Variants in CACNA1C observed in about 807,000 individuals in gnomAD.
The protein encoded by CACNA1C is calcium voltage-gated channel subunit alpha1 C.
In CACNA1C, 30 loss-of-function variants were observed where a neutral mutation model predicts 229.0. That is an observed-to-expected ratio of 0.13 (90% CI 0.10 to 0.18). The LOEUF is 0.18. CACNA1C is among the 10% of genes least tolerant of loss of function. CACNA1C has a pLI of 1.00. For missense variants in CACNA1C, 1,658 were observed against 2,845.0 expected (o/e 0.58, Z 9.49); for synonymous variants, 1,114 against 1,132.5 (o/e 0.98, Z 0.33).
chr12:2,377,136 G>A lies in CACNA1C; in HGVS notation c.478-71840G>A, dbSNP rs114911244. Reference sequence around the variant, plus strand: ...GGAGGAGAAGGAAGGGCTGGGACACGGCCAACAAAAGGAGAAATTAAATGG... The same window carrying A: ...GGAGGAGAAGGAAGGGCTGGGACACAGCCAACAAAAGGAGAAATTAAATGG... On this transcript the variant is annotated intron_variant, in intron 3 of 46. Transcript: ENST00000399655. Among the ~76,000 whole-genome samples the A allele has an allele frequency of 8.1e-3, 1,226 of 152,208 alleles. 26 individuals are homozygous for A. The highest frequency in any genetic ancestry group is 0.028 in the African/African-American group (1,155 of 41,520).
At chr12:2,308,940 C>CA (rs1327150925) in intron 3 of CACNA1C, among the ~76,000 whole-genome samples, 1 of 151,914 alleles carries the variant, frequency 6.6e-6, no homozygotes, top group Non-Finnish European at 1.5e-5. Flanking sequence ...GGAGGCTCCT[C>CA]AAAAAAATGA....
intron 4 of CACNA1C, among the ~76,000 whole-genome samples, chr12:2,453,507 T>A (rs897722258): frequency 6.6e-6 from 1 of 152,060 alleles, no homozygotes; most frequent in African/African-American, 2.4e-5. Context: ...ATCTGTAGCA[T>A]CCTCTCTGGG....
rs185686297 is a variant in CACNA1C, at chr12:2,492,812, C to T, written c.917-378C>T. The stretch of plus-strand genomic sequence containing the variant: ...GAAAAAGAAAATATGGACTTCTAAT[C>T]GCTTTCTGGGTCAGTTTCCACTTGC... On this transcript the variant is annotated intron_variant, in intron 6 of 46. Transcript: ENST00000399655. Among the ~76,000 whole-genome samples, 16 of 152,316 alleles carry T rather than the reference C, an allele frequency of 1.1e-4. 1 individual carries two copies. Among genetic ancestry groups the T allele is most frequent in the East Asian group, 1.9e-4 (1 of 5,178 alleles).
intron 3 of CACNA1C, among the ~76,000 whole-genome samples, chr12:2,206,530 C>T (rs373906231): frequency 6.6e-6 from 1 of 152,266 alleles, no homozygotes; most frequent in East Asian, 1.9e-4. Flanking sequence ...CAAAATGGGG[C>T]TAGTAACACT....
chr12:2,050,916 T>C (rs770819093), upstream of CACNA1C, among the ~76,000 whole-genome samples: 19 of 152,224 alleles, frequency 1.2e-4, no homozygotes, highest in South Asian at 2.1e-4. Flanking sequence ...ATTTATTCAA[T>C]ACATATTATG....
intron 3 of CACNA1C, among the ~76,000 whole-genome samples, chr12:2,232,227 GTTTTTTTTTTTTTTTTTT>G: frequency 1.4e-5 from 1 of 73,560 alleles, no homozygotes; most frequent in Admixed American, 1.6e-4. Context: ...GTCTTTCCTT[GTTTTTTTTTTTTTTTTTT>G]TTTTTTTGTT....
chr12:2,333,663 G>A (rs1453692198), intron 3 of CACNA1C, among the ~76,000 whole-genome samples: 4 of 152,192 alleles, frequency 2.6e-5, no homozygotes, highest in Non-Finnish European at 5.9e-5. Flanking sequence ...GGGGACAGCT[G>A]CAGAGAGAGA....
Position 2,504,327 on chromosome 12 carries a change from C to G in CACNA1C, c.1114-515C>G, listed in dbSNP as rs2099766935. 4 of 687,242 alleles carry G rather than the reference C, an allele frequency of 5.8e-6. No homozygotes were observed. The South Asian group carries it at 6.8e-5, about 12-fold the overall frequency. The allele number at this position is 687,242 out of a possible 1,614,324, so 42.6% of individuals were successfully genotyped here. On this transcript the variant is annotated intron_variant, in intron 7 of 46. Transcript: ENST00000399655. The surrounding 1 kb of genome is among the most constrained non-coding windows in gnomAD (Gnocchi z 6.8). ...GTAACCTGGTGCACATGAACAAAGCCCACGTTCAGCCCCGTCTGTCCCCTC... is the reference window on the plus strand; with the variant it reads ...GTAACCTGGTGCACATGAACAAAGCGCACGTTCAGCCCCGTCTGTCCCCTC...
intron 21 of CACNA1C, among the ~76,000 whole-genome samples, chr12:2,598,315 C>A (rs1042837563): frequency 6.6e-6 from 1 of 152,224 alleles, no homozygotes; most frequent in Non-Finnish European, 1.5e-5. Flanking sequence ...TTGCTACCCT[C>A]AGAACAGGCA....
In CACNA1C at chr12:2,029,493, T is replaced by G. The variant is rs1380992697; in HGVS notation, c.139+58292T>G. On this transcript the variant is annotated intron_variant, in intron 1 of 46. Coordinates refer to the CACNA1C transcript ENST00000682462. This position sits in a 1 kb window ranked among gnomAD's most constrained non-coding sequence, Gnocchi z 4.9. ...TCTGTCTCCGTGGATTTACCTATTCTGTATTTTTCACAGAAATGGAATCAT... is the reference window on the plus strand; with the variant it reads ...TCTGTCTCCGTGGATTTACCTATTCGGTATTTTTCACAGAAATGGAATCAT... Among the ~76,000 whole-genome samples, 1 of 152,240 alleles carries G rather than the reference T, an allele frequency of 6.6e-6. No homozygotes were observed. The highest frequency in any genetic ancestry group is 6.5e-5 in the Admixed American group (1 of 15,288).
intron 1 of CACNA1C, among the ~76,000 whole-genome samples, chr12:2,106,641 C>T (rs1456598263): frequency 1.1e-4 from 9 of 78,522 alleles, no homozygotes; most frequent in African/African-American, 1.3e-4. Context: ...CACTGGGCGC[C>T]CACCCCGGGG....
At chr12:1,975,524 A>G (rs573588307) in intron 1 of CACNA1C, among the ~76,000 whole-genome samples, 23 of 152,282 alleles carry the variant, frequency 1.5e-4, no homozygotes, top group African/African-American at 4.8e-4. Context: ...TGCTTTCCTT[A>G]TTAAGCATTT....
intron 34 of CACNA1C, among the ~76,000 whole-genome samples, chr12:2,662,317 A>T (rs1196286204): frequency 6.6e-6 from 1 of 152,180 alleles, no homozygotes; most frequent in Non-Finnish European, 1.5e-5. Flanking sequence ...TAAATGCCAA[A>T]AAAGTTGATT....
intron 1 of CACNA1C, among the ~76,000 whole-genome samples, chr12:2,105,972 C>G (rs1302509564): frequency 2.2e-5 from 1 of 45,270 alleles, no homozygotes; most frequent in African/African-American, 6.9e-5. Context: ...GTTTCCACCT[C>G]AGCTGGGGCG....
rs181810397 is a variant in CACNA1C, at chr12:2,295,772, G to A, written c.478-153204G>A. On this transcript the variant is annotated intron_variant, in intron 3 of 46. Coordinates refer to ENST00000399655, the MANE Select transcript of CACNA1C (RefSeq NM_000719.7). ...TACTTCCATTTTGCAGGTAAGAAGT[G>A]ACATACCTTGACCAAGGTCATGTGG... 7.3e-4 allele frequency among the ~76,000 whole-genome samples: 111 copies of A among 152,336 alleles called. 1 individual carries two copies. Among genetic ancestry groups the A allele is most frequent in the African/African-American group, 2.6e-3 (110 of 41,582 alleles).
chr12:2,625,109 T>A (rs962029557), intron 29 of CACNA1C, among the ~76,000 whole-genome samples: 1 of 149,680 alleles, frequency 6.7e-6, no homozygotes, highest in African/African-American at 2.5e-5. Flanking sequence ...CCGCCCCCCA[T>A]GGCTCTGCAC....
At chr12:2,300,035 T>C (rs113202073) in intron 3 of CACNA1C, among the ~76,000 whole-genome samples, 1,667 of 152,328 alleles carry the variant, frequency 0.011, 24 homozygotes, top group African/African-American at 0.038. Context: ...AAGAGCAATT[T>C]CTAAGATTTA....
At chr12:2,297,815 A>C (rs1246432054) in intron 3 of CACNA1C, among the ~76,000 whole-genome samples, 4 of 152,144 alleles carry the variant, frequency 2.6e-5, no homozygotes, top group Non-Finnish European at 4.4e-5. Flanking sequence ...GAACAGTTGG[A>C]TATATATAGA....
chr12:2,587,766 G>T (rs992045013), intron 18 of CACNA1C, among the ~76,000 whole-genome samples: 7 of 152,056 alleles, frequency 4.6e-5, no homozygotes, highest in African/African-American at 1.7e-4. Context: ...TGAGATTTTT[G>T]AGTGTACGGC....
Sources: allele counts gnomAD v4.1 joint callset (sites outside exome capture counted in the v4.1 genomes callset), GRCh38; gene constraint gnomAD v4.1.1; non-coding constraint Gnocchi (gnomAD v3.1); transcripts MANE v1.5; gene names NCBI Gene and HGNC (gene_info 2026-07-23, HGNC 2026-07-21).